Variants in PER2 observed in about 807,000 individuals in gnomAD.
The protein encoded by PER2 is period circadian regulator 2.
A neutral mutation model predicts 121.0 loss-of-function variants in PER2; 66 were observed. The ratio of observed to expected loss-of-function variants is 0.55; its 90% CI spans 0.45 to 0.67. The LOEUF (loss-of-function observed/expected upper bound fraction) is 0.67. Ranked by LOEUF, PER2 falls within the 30% of genes least tolerant of loss-of-function variation. PER2 has a pLI of 0.00. For missense variants in PER2, 1,521 were observed against 1,635.0 expected (o/e 0.93, Z 1.20); for synonymous variants, 684 against 659.9 (o/e 1.04, Z -0.56).
At chr2:238,250,190 A>C (rs1377949559) in intron 21 of PER2, among the ~76,000 whole-genome samples, 4 of 152,262 alleles carry the variant, frequency 2.6e-5, no homozygotes, top group East Asian at 1.9e-4. Context: ...AGACAGCCAG[A>C]TACACCCCAT....
intron 1 of PER2, among the ~76,000 whole-genome samples, chr2:238,278,441 GCTC>G (rs1559335822): frequency 6.6e-6 from 1 of 152,182 alleles, no homozygotes; most frequent in Non-Finnish European, 1.5e-5. Context: ...ATTGACAAGA[GCTC>G]CTATCTGCCA....
rs780060145 is a variant in PER2 at position 238,288,382 on chromosome 2, G to A, written c.-53C>T. ...CCTCAGGCTCCTGAGCTGCGAAGCG[G>A]GGGTTCGAGTCCCCAACCCTCGGTG... On this transcript the variant is annotated 5_prime_UTR_variant, in exon 1 of 23. Coordinates refer to ENST00000254657, the MANE Select transcript of PER2 (RefSeq NM_022817.3). The A allele has an allele frequency of 6.6e-6, 1 of 152,362 alleles. No individual in the cohort carries two copies. Among genetic ancestry groups the A allele is most frequent in the East Asian group, 1.9e-4 (1 of 5,166 alleles). 9.4% of individuals were successfully genotyped at this position (152,362 alleles called of 1,614,324 possible).
intron 4 of PER2, among the ~76,000 whole-genome samples, chr2:238,274,773 C>T (rs370617746): frequency 3.9e-5 from 6 of 152,296 alleles, no homozygotes; most frequent in East Asian, 1.9e-4. Context: ...TGACCAGCAC[C>T]GACGAGTAGC....
chr2:238,292,733 T>C (rs957838477), upstream of PER2, among the ~76,000 whole-genome samples: 6 of 151,820 alleles, frequency 4.0e-5, no homozygotes, highest in African/African-American at 1.5e-4. Context: ...TTTTTCTTTT[T>C]CTTTCTCTTT....
Position 238,246,170 on chromosome 2 carries a change from A to T in PER2, c.*205T>A. 1 of 341,686 alleles carries T rather than the reference A, an allele frequency of 2.9e-6. No homozygotes were observed. The highest frequency in any genetic ancestry group is 5.2e-6 in the Non-Finnish European group (1 of 190,832). 21.2% of individuals were successfully genotyped at this position (341,686 alleles called of 1,614,324 possible). On this transcript the variant is annotated 3_prime_UTR_variant, in exon 23 of 23. Coordinates refer to ENST00000254657, the MANE Select transcript of PER2 (RefSeq NM_022817.3). ...ACTCCACATATATATTTTATATATAAAAACATATTTCTTTCCGAACTCTCC... is the reference window on the plus strand; with the variant it reads ...ACTCCACATATATATTTTATATATATAAACATATTTCTTTCCGAACTCTCC...
Position 238,277,708 on chromosome 2 carries a change from T to C in PER2, c.229A>G (p.Ser77Gly). The C allele has an allele frequency of 6.2e-7, 1 of 1,613,964 alleles. No homozygotes were observed. The change falls in exon 2 of 23, where the codon AGT (serine) becomes GGT (glycine). Residue 77 changes from serine (S) to glycine (G), a missense_variant and splice_region_variant. Ser to Gly is a moderately conservative substitution (Grantham distance 56, BLOSUM62 0). Coordinates refer to ENST00000254657, the MANE Select transcript of PER2 (RefSeq NM_022817.3). ...CATCTGGCCAGAGGCTGAACTCACC[T>C]CTGGCGGGCATCCGGTGGCTCCACC... is the stretch of plus-strand genomic sequence containing the variant. ...MLVEPPDARQ[S>G]PDTFSLMMAK... is the part of the protein sequence containing the mutation.
At chr2:238,257,160 A>G (rs1307776245) in intron 16 of PER2, 74 bp from the exon 17 acceptor site, 3 of 1,404,584 alleles carry the variant, frequency 2.1e-6, no homozygotes, top group Non-Finnish European at 2.9e-6. Flanking sequence ...ACCGACACCC[A>G]AGTGCCCATA....
intron 13 of PER2, 143 bp downstream of exon 13, chr2:238,260,685 G>A (rs1331514396): frequency 5.6e-6 from 5 of 889,820 alleles, no homozygotes; most frequent in Non-Finnish European, 9.1e-6. Flanking sequence ...AAAGTCCCAA[G>A]TGGACAAAGT....
At chr2:238,291,879 G>A (rs1696956469), upstream of PER2, among the ~76,000 whole-genome samples, 1 of 152,214 alleles carries the variant, frequency 6.6e-6, no homozygotes, top group South Asian at 2.1e-4. Flanking sequence ...GACATGAGGT[G>A]GTTTGCGGAC....
At chr2:238,289,884 A>C (rs1014679788), upstream of PER2, 3 of 152,292 alleles carry the variant, frequency 2.0e-5, no homozygotes, top group African/African-American at 4.8e-5. Flanking sequence ...GTCTGGGTAG[A>C]AGCCTGAGAC....
At chr2:238,266,277 G>A (rs1308960102) in intron 8 of PER2, among the ~76,000 whole-genome samples, 1 of 151,532 alleles carries the variant, frequency 6.6e-6, no homozygotes, top group African/African-American at 2.4e-5. Context: ...TACATACTTG[G>A]ATTCAAATTT....
chr2:238,277,350 C>T (rs757352506), intron 2 of PER2, among the ~76,000 whole-genome samples, 157 bp from the exon 3 acceptor site: 2 of 152,164 alleles, frequency 1.3e-5, no homozygotes, highest in Non-Finnish European at 2.9e-5. Flanking sequence ...ATAAAACCTT[C>T]AGACATCAGA....
chr2:238,278,363 G>A (rs1390724921), intron 1 of PER2, among the ~76,000 whole-genome samples: 1 of 152,194 alleles, frequency 6.6e-6, no homozygotes, highest in Non-Finnish European at 1.5e-5. Flanking sequence ...ACCACACGCA[G>A]CCAAAACTGC....
At chr2:238,247,060 G>A (rs1312932511) in intron 22 of PER2, among the ~76,000 whole-genome samples, 2 of 152,188 alleles carry the variant, frequency 1.3e-5, no homozygotes, top group East Asian at 3.8e-4. Context: ...TTTTCAACTG[G>A]ACATTCACAG....
chr2:238,266,118 T>C (rs936032005), intron 8 of PER2, among the ~76,000 whole-genome samples: 1 of 152,092 alleles, frequency 6.6e-6, no homozygotes, highest in African/African-American at 2.4e-5. Context: ...TTGGCCAGGA[T>C]GGTCTCGATC....
Position 238,258,600 on chromosome 2 carries a change from T to C in PER2, c.1672A>G (p.Met558Val). The stretch of plus-strand genomic sequence containing the variant: ...CTGACCCCCAGGCTGTCCTTTTCCA[T>C]GGCAGGGACAGCTTTCTTCTCAGCT... ...PPAEKKAVPAMEKDSLGVSFP... is the reference protein window; with the variant it reads ...PPAEKKAVPAVEKDSLGVSFP... Residue 558 changes from methionine to valine, a missense_variant, in exon 15 of 23, where the codon ATG becomes GTG. Met to Val is a conservative substitution (Grantham distance 21). Transcript: ENST00000254657. The C allele has an allele frequency of 6.2e-7, 1 of 1,614,136 alleles. No individual in the cohort carries two copies. Among genetic ancestry groups the C allele is most frequent in the South Asian group, 1.1e-5 (1 of 91,074 alleles).
intron 1 of PER2, among the ~76,000 whole-genome samples, chr2:238,279,699 TC>T (rs1696571832): frequency 6.6e-6 from 1 of 152,250 alleles, no homozygotes; most frequent in East Asian, 1.9e-4. Flanking sequence ...TGGGAGAGCC[TC>T]CCCTTCCACC....
At chr2:238,271,940 C>T (rs1271609047) in intron 5 of PER2, among the ~76,000 whole-genome samples, 1 of 152,124 alleles carries the variant, frequency 6.6e-6, no homozygotes, top group Non-Finnish European at 1.5e-5. Context: ...CCAGCCCCGC[C>T]ATAAACTTCT....
At position 238,276,956 on chromosome 2, in the gene PER2, GAC is replaced by G. The variant is rs372342733; in HGVS notation, c.293+173_293+174del. On this transcript the variant is annotated intron_variant, in intron 3 of 22. Transcript: ENST00000254657. ...TCCCGGGGGCTCTGGACGGTGAGGG[GAC>G]ACAGTCAGTGTCTGAAAGGCCAGAG... Among the ~76,000 whole-genome samples, 19 of 152,280 alleles carry G rather than the reference GAC, an allele frequency of 1.2e-4. No individual in the cohort carries two copies. The East Asian group carries it at 3.7e-3, about 29-fold the overall frequency.
Sources: gnomAD v4.1 joint callset for allele counts (sites outside exome capture counted in the v4.1 genomes callset) on GRCh38, gnomAD v4.1.1 for gene constraint, MANE v1.5 for transcripts, NCBI Gene and HGNC (gene_info 2026-07-23, HGNC 2026-07-21) for gene names.